The following ETS1 variants were observed in gnomAD, a reference collection of about 807,000 sequenced individuals.
ETS1 encodes the protein protein C-ets-1.
In ETS1, 15 loss-of-function variants were observed where a neutral mutation model predicts 58.6. The observed-to-expected ratio is 0.26, with a 90% CI of 0.17 to 0.39. The LOEUF is 0.39. ETS1 is among the 10% of genes least tolerant of loss of function. The pLI is 1.00. For missense variants in ETS1, 417 were observed against 610.5 expected, an observed-to-expected ratio of 0.68 and a Z score of 3.34; for synonymous variants, 214 against 218.2, an observed-to-expected ratio of 0.98 and a Z score of 0.17.
At chr11:128,559,728 G>T (rs1864374422) in intron 2 of ETS1, among the ~76,000 whole-genome samples, 1 of 152,162 alleles carries the variant, frequency 6.6e-6, no homozygotes, top group Non-Finnish European at 1.5e-5. Context: ...CTATTTCATA[G>T]AGTATGAAAA....
chr11:128,522,763 C>A (rs1863722976), intron 3 of ETS1, among the ~76,000 whole-genome samples: 1 of 152,236 alleles, frequency 6.6e-6, no homozygotes, highest in Non-Finnish European at 1.5e-5. Context: ...GTACATCATT[C>A]ATTCACAAAG....
intron 3 of ETS1, among the ~76,000 whole-genome samples, chr11:128,510,915 G>T (rs896751508): frequency 6.6e-6 from 1 of 152,188 alleles, no homozygotes; most frequent in Non-Finnish European, 1.5e-5. Flanking sequence ...AGGGGCTTAC[G>T]TTTTTTGGTA....
Position 128,490,583 on chromosome 11 carries a change from G to A in ETS1, c.215-7C>T. ...ACATCTGCACATTCCATATCTGCAT[G>A]AAAAAATTGCATATGAATAACAAAA... On this transcript the variant is annotated splice_polypyrimidine_tract_variant and splice_region_variant and intron_variant, in intron 3 of 9. Coordinates refer to ENST00000392668, the MANE Select transcript of ETS1 (RefSeq NM_001143820.2). 1 of 1,603,112 alleles carries A rather than the reference G, an allele frequency of 6.2e-7. No individual in the cohort carries two copies. The highest frequency in any genetic ancestry group is 1.7e-4 in the Middle Eastern group (1 of 6,024).
Position 128,463,563 on chromosome 11 carries a change from A to T in ETS1, c.1188T>A (p.Ser396=). ...LELLTDKSCQ[S]FISWTGDGWE... ...AGCCATCTCCTGTCCAGCTGATAAA[A>T]GACTGACAGGATTTATCAGTGAGTA... The change falls in exon 9 of 10, where the codon TCT becomes TCA. Residue 396 remains serine, a synonymous_variant. Transcript: ENST00000392668. The surrounding 1 kb of genome is among the most constrained non-coding windows in gnomAD (Gnocchi z 4.1). 1 of 1,613,546 alleles carries T rather than the reference A, an allele frequency of 6.2e-7. No individual in the cohort carries two copies. The highest frequency in any genetic ancestry group is 8.5e-7 in the Non-Finnish European group (1 of 1,179,440).
chr11:128,579,958 G>A (rs180941669), intron 1 of ETS1, among the ~76,000 whole-genome samples: 23 of 151,828 alleles, frequency 1.5e-4, no homozygotes, highest in Admixed American at 3.3e-4. Flanking sequence ...GTGTAACAAA[G>A]TTCATGACAC....
chr11:128,478,555 C>G (rs1307086376), intron 8 of ETS1, among the ~76,000 whole-genome samples: 1 of 152,154 alleles, frequency 6.6e-6, no homozygotes, highest in African/African-American at 2.4e-5. Flanking sequence ...GCATAGTTTT[C>G]TCTGCACCAC....
chr11:128,498,228 A>G (rs941582606), intron 3 of ETS1, among the ~76,000 whole-genome samples: 2 of 152,206 alleles, frequency 1.3e-5, no homozygotes, highest in Admixed American at 6.5e-5. Flanking sequence ...TTATACTGAA[A>G]AGCATCTTAT....
intron 3 of ETS1, among the ~76,000 whole-genome samples, chr11:128,544,174 T>C (rs2135545306): frequency 6.6e-6 from 1 of 151,998 alleles, no homozygotes; most frequent in Admixed American, 6.5e-5. Flanking sequence ...GCCCTAAATG[T>C]CATAAGAAAG....
At chr11:128,506,328 G>A (rs1863232054) in intron 3 of ETS1, among the ~76,000 whole-genome samples, 2 of 152,176 alleles carry the variant, frequency 1.3e-5, no homozygotes, top group African/African-American at 4.8e-5. Flanking sequence ...GAGAGAAAGA[G>A]CTACTGGCCC....
rs10542616 is a variant in ETS1, at chr11:128,544,340, A to AATATATATATATATATATATATATAT, written c.214+11925_214+11950dup. Among the ~76,000 whole-genome samples, 27 of 117,050 alleles carry AATATATATATATATATATATATATAT rather than the reference A, an allele frequency of 2.3e-4. 1 individual carries two copies. Among genetic ancestry groups the AATATATATATATATATATATATATAT allele is most frequent in the African/African-American group, 2.9e-4 (9 of 30,836 alleles). The allele number at this position is 117,050 out of a possible 152,430, so 76.8% of individuals were successfully genotyped here. A position where few individuals can be genotyped will look rare whatever the true frequency, so the allele number is the denominator to read the frequency against. On this transcript the variant is annotated intron_variant, in intron 3 of 9. Transcript: ENST00000392668. ...ATGAAAAAGTGATTAATTGTTTACT[A>AATATATATATATATATATATATATAT]ATATATATATATATATATATATATA...
At chr11:128,576,808 T>A (rs1864759647) in intron 1 of ETS1, among the ~76,000 whole-genome samples, 1 of 152,050 alleles carries the variant, frequency 6.6e-6, no homozygotes. Context: ...CCTTCTCATG[T>A]TACCCCCTCT....
At chr11:128,553,596 C>T (rs141679127) in intron 3 of ETS1, among the ~76,000 whole-genome samples, 69 of 152,178 alleles carry the variant, frequency 4.5e-4, no homozygotes, top group African/African-American at 1.3e-3. Flanking sequence ...CAGACCTTGG[C>T]GCTTTAGTAT....
In ETS1 at chr11:128,565,257, C is replaced by T. The variant is rs557460128; in HGVS notation, c.69+7805G>A. Among the ~76,000 whole-genome samples, 9 of 152,282 alleles carry T rather than the reference C, an allele frequency of 5.9e-5. No homozygotes were observed. In the South Asian group the frequency reaches 6.2e-4, roughly 11 times the overall value. ...TGGGTTTGGCCTCTTCCCTCCCTTC[C>T]GCCACTGAGGACACAGCGTTCATCC... On this transcript the variant is annotated intron_variant, in intron 2 of 9. Transcript: ENST00000392668.
intron 2 of ETS1, 22 bp downstream of exon 2, chr11:128,573,040 C>A (rs1054898535): frequency 1.9e-6 from 3 of 1,588,630 alleles, no homozygotes; most frequent in Non-Finnish European, 2.6e-6. Flanking sequence ...GGCAAAGGGG[C>A]AGGGAAGGGG....
chr11:128,562,965 G>GA (rs71916257), intron 2 of ETS1, among the ~76,000 whole-genome samples: 5,828 of 107,284 alleles, frequency 0.054, 307 homozygotes, highest in African/African-American at 0.17. Flanking sequence ...CCCAAAAATT[G>GA]AAAAAAAAAA....
At chr11:128,509,204 T>C (rs551589777) in intron 3 of ETS1, among the ~76,000 whole-genome samples, 118 of 152,350 alleles carry the variant, frequency 7.7e-4, no homozygotes, top group Middle Eastern at 3.4e-3. Flanking sequence ...AAGAGAGACC[T>C]TCAGAAATCC....
chr11:128,544,097 G>C (rs1864095003), intron 3 of ETS1, among the ~76,000 whole-genome samples: 1 of 151,954 alleles, frequency 6.6e-6, no homozygotes, highest in African/African-American at 2.4e-5. Flanking sequence ...AGAGATGTGT[G>C]GATACATGTT....
At chr11:128,492,590 G>A (rs576449821) in intron 3 of ETS1, among the ~76,000 whole-genome samples, 18 of 151,726 alleles carry the variant, frequency 1.2e-4, no homozygotes, top group African/African-American at 1.9e-4. Context: ...ACAAAATGAT[G>A]GAAAATCCCA....
chr11:128,577,587 ACTTTTTCAGTGTAAACCC>A (rs549729257), intron 1 of ETS1, among the ~76,000 whole-genome samples: 85 of 152,356 alleles, frequency 5.6e-4, no homozygotes, highest in Non-Finnish European at 1.1e-3. Flanking sequence ...ACTTGTACAC[ACTTTTTCAGTGTAAACCC>A]CTCTTTTTAC....
Sources: gnomAD v4.1 joint callset for allele counts (sites outside exome capture counted in the v4.1 genomes callset) on GRCh38, gnomAD v4.1.1 for gene constraint, Gnocchi (gnomAD v3.1) non-coding constraint, MANE v1.5 for transcripts, NCBI Gene and HGNC (gene_info 2026-07-23, HGNC 2026-07-21) for gene names.